The following KIAA1217 variants were observed in gnomAD, a reference collection of about 807,000 sequenced individuals.
KIAA1217 encodes the protein sickle tail protein homolog.
KIAA1217 carries 88 observed loss-of-function variants against 163.9 expected under a neutral mutation model. The observed-to-expected ratio is 0.54, with a 90% CI of 0.45 to 0.64. The LOEUF is 0.64. Ranked by LOEUF, KIAA1217 falls within the 30% of genes least tolerant of loss-of-function variation. The pLI is 0.00. For synonymous variants in KIAA1217, 903 were observed against 923.1 expected (o/e 0.98, Z 0.39); for missense variants, 2,372 against 2,475.0 (o/e 0.96, Z 0.88).
At chr10:24,511,860 A>G (rs1433364499) in intron 9 of KIAA1217, among the ~76,000 whole-genome samples, 1 of 152,146 alleles carries the variant, frequency 6.6e-6, no homozygotes, top group Non-Finnish European at 1.5e-5. Context: ...CCTGTTAGCA[A>G]TGGCTGGTAC....
chr10:24,239,495 CT>C (rs34650424), intron 2 of KIAA1217, among the ~76,000 whole-genome samples: 76,706 of 134,658 alleles, frequency 0.57, 21,679 homozygotes, highest in Non-Finnish European at 0.68. Context: ...TTTTTAAGGG[CT>C]TTTTTTTTTT....
chr10:24,134,626 T>C (rs915516172), intron 2 of KIAA1217, among the ~76,000 whole-genome samples: 2 of 152,146 alleles, frequency 1.3e-5, no homozygotes. Context: ...CAAGCTGGAG[T>C]GCAGTAGCAT....
At chr10:23,922,035 C>T (rs763999233) in intron 1 of KIAA1217, among the ~76,000 whole-genome samples, 1 of 151,976 alleles carries the variant, frequency 6.6e-6, no homozygotes, top group Non-Finnish European at 1.5e-5. Context: ...AGTGTCAGAA[C>T]TTTCACCCCC....
intron 2 of KIAA1217, among the ~76,000 whole-genome samples, chr10:24,063,653 G>A (rs1589356769): frequency 6.6e-6 from 1 of 152,176 alleles, no homozygotes; most frequent in East Asian, 1.9e-4. Context: ...GAACTTTAAA[G>A]TAGTTTTTTT....
intron 1 of KIAA1217, among the ~76,000 whole-genome samples, chr10:23,797,508 T>G (rs1163751413): frequency 6.6e-6 from 1 of 152,072 alleles, no homozygotes; most frequent in East Asian, 1.9e-4. Context: ...GACTGGGTAA[T>G]TTATGAAGCA....
At chr10:23,826,846 G>T (rs1021298879) in intron 1 of KIAA1217, among the ~76,000 whole-genome samples, 1 of 152,130 alleles carries the variant, frequency 6.6e-6, no homozygotes, top group African/African-American at 2.4e-5. Flanking sequence ...AGAGCTTCGT[G>T]AACTGTTTCT....
intron 12 of KIAA1217, among the ~76,000 whole-genome samples, chr10:24,523,280 C>G (rs545904106): frequency 1.3e-5 from 2 of 152,258 alleles, no homozygotes; most frequent in East Asian, 3.9e-4. Flanking sequence ...TAGGATTGAG[C>G]CACTGCACTC....
At chr10:24,136,731 C>T (rs1219202469) in intron 2 of KIAA1217, among the ~76,000 whole-genome samples, 1 of 152,198 alleles carries the variant, frequency 6.6e-6, no homozygotes, top group Non-Finnish European at 1.5e-5. Context: ...CCTCCATCTC[C>T]AATAACAACA....
At chr10:23,930,203 G>A (rs949051216) in intron 1 of KIAA1217, among the ~76,000 whole-genome samples, 1 of 151,676 alleles carries the variant, frequency 6.6e-6, no homozygotes, top group Admixed American at 6.6e-5. Context: ...AGAAGTGTTT[G>A]TTCATATCCT....
intron 2 of KIAA1217, among the ~76,000 whole-genome samples, chr10:24,252,558 C>T (rs892152536): frequency 1.3e-5 from 2 of 151,824 alleles, no homozygotes; most frequent in East Asian, 1.9e-4. Flanking sequence ...ACAAGCTGGG[C>T]GACAGCAAGA....
intron 2 of KIAA1217, among the ~76,000 whole-genome samples, chr10:24,112,425 G>A (rs1398259398): frequency 6.6e-6 from 1 of 152,092 alleles, no homozygotes; most frequent in Non-Finnish European, 1.5e-5. Context: ...ATAGCCTGGT[G>A]TCGTGGACTG....
chr10:23,858,182 T>C (rs1326125942), intron 1 of KIAA1217, among the ~76,000 whole-genome samples: 2 of 152,108 alleles, frequency 1.3e-5, no homozygotes. Context: ...GGGCTCTGAC[T>C]TAATCCTGCC....
chr10:24,516,776 A>G (rs2070245699), intron 10 of KIAA1217, among the ~76,000 whole-genome samples: 1 of 152,232 alleles, frequency 6.6e-6, no homozygotes, highest in African/African-American at 2.4e-5. Context: ...ACATAGTAGA[A>G]GTAAGAAAGA....
intron 2 of KIAA1217, among the ~76,000 whole-genome samples, chr10:24,085,058 C>T (rs2061653320): frequency 6.6e-6 from 1 of 151,832 alleles, no homozygotes; most frequent in East Asian, 1.9e-4. Context: ...GGACTACAGG[C>T]GCCCGCCACC....
intron 1 of KIAA1217, among the ~76,000 whole-genome samples, chr10:23,818,348 A>AT (rs1837458797): frequency 6.3e-5 from 8 of 127,212 alleles, no homozygotes; most frequent in Admixed American, 3.2e-4. Context: ...ATATATATAA[A>AT]AAAATATATA....
At chr10:23,968,648 C>A (rs2131386715) in intron 1 of KIAA1217, among the ~76,000 whole-genome samples, 1 of 152,286 alleles carries the variant, frequency 6.6e-6, no homozygotes, top group East Asian at 1.9e-4. Flanking sequence ...ACCCCTGGCC[C>A]TAGACAATGA....
At chr10:24,006,569 T>C (rs2131477414) in intron 1 of KIAA1217, among the ~76,000 whole-genome samples, 1 of 152,208 alleles carries the variant, frequency 6.6e-6, no homozygotes, top group African/African-American at 2.4e-5. Flanking sequence ...TCCTCAACAA[T>C]CCCAAAACCC....
chr10:24,530,793 G>A (rs1370471359), intron 14 of KIAA1217, among the ~76,000 whole-genome samples: 1 of 152,166 alleles, frequency 6.6e-6, no homozygotes, highest in South Asian at 2.1e-4. Context: ...AGCTACTCTG[G>A]GCTGGGGCAG....
intron 2 of KIAA1217, among the ~76,000 whole-genome samples, chr10:24,257,741 G>A (rs1236817779): frequency 6.6e-5 from 10 of 152,178 alleles, no homozygotes; most frequent in Admixed American, 6.5e-4. Flanking sequence ...TGGGACTGAT[G>A]CTTCCTGAAA....
Sources: gnomAD v4.1 joint callset for allele counts (sites outside exome capture counted in the v4.1 genomes callset) on GRCh38, gnomAD v4.1.1 for gene constraint, MANE v1.5 for transcripts, NCBI Gene and HGNC (gene_info 2026-07-23, HGNC 2026-07-21) for gene names.